Variants in CNTN5 observed in about 807,000 individuals in gnomAD.
CNTN5 encodes contactin-5.
Under a neutral mutation model 129.1 loss-of-function variants are expected in CNTN5, and 77 were observed. The ratio of observed to expected loss-of-function variants is 0.60; its 90% confidence interval spans 0.50 to 0.72. The LOEUF is 0.72. Among genes scored for constraint, CNTN5 ranks in the 30% least tolerant of loss-of-function variants. The pLI is 0.00. For synonymous variants in CNTN5, 509 were observed against 465.6 expected (o/e 1.09, Z -1.20); for missense variants, 1,478 against 1,328.8 (o/e 1.11, Z -1.75).
chr11:99,066,261 G>A (rs989379762), intron 1 of CNTN5, among the ~76,000 whole-genome samples: 2 of 151,890 alleles, frequency 1.3e-5, no homozygotes, highest in Non-Finnish European at 2.9e-5. Flanking sequence ...GTGGTACCAC[G>A]CCCAGCTAAT....
At chr11:100,301,853 A>G (rs1007607470) in intron 20 of CNTN5, among the ~76,000 whole-genome samples, 1 of 151,494 alleles carries the variant, frequency 6.6e-6, no homozygotes, top group Non-Finnish European at 1.5e-5. Context: ...TAAAATTAAA[A>G]CCCTGTCAAT....
At chr11:99,302,671 T>A (rs1032496951) in intron 1 of CNTN5, among the ~76,000 whole-genome samples, 2 of 151,710 alleles carry the variant, frequency 1.3e-5, no homozygotes, top group African/African-American at 4.8e-5. Context: ...CTAAATTTAG[T>A]TTGTGGTAAC....
chr11:99,701,172 TC>T (rs1954502415), intron 3 of CNTN5, among the ~76,000 whole-genome samples: 1 of 151,234 alleles, frequency 6.6e-6, no homozygotes, highest in African/African-American at 2.4e-5. Context: ...TTGTTCTTCT[TC>T]TTCAGTAGAT....
At chr11:100,176,966 A>G (rs1032188796) in intron 13 of CNTN5, among the ~76,000 whole-genome samples, 2 of 152,000 alleles carry the variant, frequency 1.3e-5, no homozygotes, top group Admixed American at 1.3e-4. Flanking sequence ...AGAGCAGGAA[A>G]TAATTGAGGT....
chr11:100,101,479 G>A (rs1314610351), intron 13 of CNTN5, among the ~76,000 whole-genome samples: 8 of 151,968 alleles, frequency 5.3e-5, no homozygotes, highest in Non-Finnish European at 8.8e-5. Flanking sequence ...CATAAGCATC[G>A]AGCTTATTGC....
At chr11:99,615,500 C>A (rs887515456) in intron 3 of CNTN5, among the ~76,000 whole-genome samples, 1 of 152,010 alleles carries the variant, frequency 6.6e-6, no homozygotes, top group East Asian at 1.9e-4. Flanking sequence ...TAGTGATATC[C>A]CTTCTTCTGA....
At position 100,338,408 on chromosome 11, in the gene CNTN5, C is replaced by T. The variant is rs556859048; in HGVS notation, c.2731-2055C>T. On this transcript the variant is annotated intron_variant, in intron 21 of 24. Transcript: ENST00000524871. Reference sequence around the variant, plus strand: ...ATAGCAGCACCCTTAGCACCCTTAGCTGAAAGAGAATCTGGAAAATATGTT... The same window carrying T: ...ATAGCAGCACCCTTAGCACCCTTAGTTGAAAGAGAATCTGGAAAATATGTT... 2.6e-5 allele frequency among the ~76,000 whole-genome samples: 4 copies of T among 152,246 alleles called. No homozygotes were observed. In the East Asian group the frequency reaches 5.8e-4, roughly 22 times the overall value.
chr11:100,254,782 T>C (rs147073495), intron 16 of CNTN5, among the ~76,000 whole-genome samples: 5,211 of 152,280 alleles, frequency 0.034, 321 homozygotes, highest in African/African-American at 0.12. Flanking sequence ...CCAGAGAGCA[T>C]TTGTACATAA....
At chr11:99,786,847 A>G (rs545088544) in intron 3 of CNTN5, among the ~76,000 whole-genome samples, 1 of 152,324 alleles carries the variant, frequency 6.6e-6, no homozygotes, top group African/African-American at 2.4e-5. Context: ...TTATACAAAA[A>G]TTAACTGAAG....
At chr11:99,892,106 T>A (rs60621343) in intron 6 of CNTN5, among the ~76,000 whole-genome samples, 11,511 of 152,292 alleles carry the variant, frequency 0.076, 906 homozygotes, top group African/African-American at 0.2. Context: ...GTATGTTTGT[T>A]GGCCACATAA....
At chr11:99,846,858 G>T (rs114709706) in intron 6 of CNTN5, among the ~76,000 whole-genome samples, 1 of 152,010 alleles carries the variant, frequency 6.6e-6, no homozygotes, top group African/African-American at 2.4e-5. Flanking sequence ...TTTGCCTAAG[G>T]AATTCAGATA....
intron 13 of CNTN5, among the ~76,000 whole-genome samples, chr11:100,123,256 A>G (rs1481119638): frequency 1.3e-5 from 2 of 152,076 alleles, no homozygotes; most frequent in African/African-American, 4.8e-5. Flanking sequence ...TACCCTTTAA[A>G]TATGAAATAT....
intron 9 of CNTN5, among the ~76,000 whole-genome samples, chr11:100,026,464 T>C (rs973426573): frequency 3.9e-5 from 6 of 152,236 alleles, no homozygotes; most frequent in Non-Finnish European, 8.8e-5. Flanking sequence ...ACTGGCAAAC[T>C]GATTTCCAAA....
intron 15 of CNTN5, among the ~76,000 whole-genome samples, chr11:100,203,747 G>A (rs192261864): frequency 6.8e-5 from 10 of 147,654 alleles, no homozygotes; most frequent in African/African-American, 2.3e-4. Context: ...CTAACAAGCC[G>A]ATTTTATCAT....
At chr11:100,343,126 TAAAA>T (rs1293151629) in intron 23 of CNTN5, among the ~76,000 whole-genome samples, 10 of 152,196 alleles carry the variant, frequency 6.6e-5, no homozygotes, top group Non-Finnish European at 1.2e-4. Flanking sequence ...AACTGATCGT[TAAAA>T]GTTGCCTGCC....
chr11:99,025,501 T>C (rs1405948244), intron 1 of CNTN5, among the ~76,000 whole-genome samples: 1 of 151,830 alleles, frequency 6.6e-6, no homozygotes, highest in East Asian at 1.9e-4. Flanking sequence ...CTTCCATTAC[T>C]ATCCAGTAGT....
chr11:99,382,042 G>T (rs753767277), intron 2 of CNTN5, among the ~76,000 whole-genome samples: 2 of 151,258 alleles, frequency 1.3e-5, no homozygotes, highest in African/African-American at 4.8e-5. Context: ...AGAATTAGGG[G>T]TTTAAAAATT....
chr11:99,042,681 C>T (rs1000035750), intron 1 of CNTN5, among the ~76,000 whole-genome samples: 1 of 152,036 alleles, frequency 6.6e-6, no homozygotes, highest in Non-Finnish European at 1.5e-5. Flanking sequence ...GGCCACCTCC[C>T]TTCTTTAAAC....
At chr11:99,916,002 A>T (rs1437838506) in intron 6 of CNTN5, 52 bp from the exon 7 acceptor site, 1 of 1,362,256 alleles carries the variant, frequency 7.3e-7, no homozygotes, top group Admixed American at 1.9e-5. Context: ...AATCATAGCA[A>T]TTCTTTACAT....
Sources: allele counts gnomAD v4.1 joint callset (sites outside exome capture counted in the v4.1 genomes callset), GRCh38; gene constraint gnomAD v4.1.1; transcripts MANE v1.5; gene names NCBI Gene and HGNC (gene_info 2026-07-23, HGNC 2026-07-21).